The following AGMO variants were observed in gnomAD, a reference collection of about 807,000 sequenced individuals.
AGMO encodes the protein alkylglycerol monooxygenase, also known as glyceryl-ether monooxygenase.
A neutral mutation model predicts 60.2 loss-of-function variants in AGMO; 75 were observed. The observed-to-expected ratio is 1.25, with a 90% CI of 1.03 to 1.51. The LOEUF (loss-of-function observed/expected upper bound fraction) is 1.51. AGMO is among the 40% of genes most tolerant of loss of function. The probability of loss-of-function intolerance (pLI) is 0.00; values close to 1 mark genes in which losing one functional copy is unlikely to be tolerated. For synonymous variants in AGMO, 261 were observed against 177.1 expected (o/e 1.47, Z -3.76); for missense variants, 763 against 525.5 (o/e 1.45, Z -4.42).
At chr7:15,227,072 C>G (rs1782105601) in intron 12 of AGMO, among the ~76,000 whole-genome samples, 1 of 151,976 alleles carries the variant, frequency 6.6e-6, no homozygotes, top group Non-Finnish European at 1.5e-5. Flanking sequence ...TTCCTAGAAC[C>G]AGCTTACCTC....
At chr7:15,433,454 CT>C (rs1233926612) in intron 3 of AGMO, among the ~76,000 whole-genome samples, 1 of 151,992 alleles carries the variant, frequency 6.6e-6, no homozygotes, top group Non-Finnish European at 1.5e-5. Flanking sequence ...AGAAGGAATA[CT>C]GAATTTGTTT....
chr7:15,147,025 A>C, the AGMO span, among the ~76,000 whole-genome samples: 2 of 152,136 alleles, frequency 1.3e-5, no homozygotes, highest in African/African-American at 4.8e-5. Context: ...AAACAAAAAA[A>C]CCCACAATGG....
chr7:15,312,862 T>C (rs1164213760), intron 12 of AGMO, among the ~76,000 whole-genome samples: 4 of 151,814 alleles, frequency 2.6e-5, no homozygotes, highest in African/African-American at 7.3e-5. Flanking sequence ...AAAGACAGGG[T>C]TTTGCCATGT....
At chr7:15,418,729 A>C (rs1780849577) in intron 4 of AGMO, 76 bp from the exon 5 acceptor site, 1 of 858,286 alleles carries the variant, frequency 1.2e-6, no homozygotes, top group Non-Finnish European at 1.8e-6. Context: ...CAATATTCTG[A>C]ATGCATATTT....
intron 12 of AGMO, among the ~76,000 whole-genome samples, chr7:15,281,770 C>A (rs918101305): frequency 6.6e-6 from 1 of 152,114 alleles, no homozygotes; most frequent in Non-Finnish European, 1.5e-5. Flanking sequence ...ACTATTCAAC[C>A]CAGTAAATAA....
the AGMO span, among the ~76,000 whole-genome samples, chr7:15,139,789 C>A: frequency 2.6e-3 from 365 of 138,014 alleles, no homozygotes; most frequent in Middle Eastern, 8.7e-3. Context: ...CCAGCCTGGG[C>A]TACAGAGCTG....
At chr7:15,487,229 G>A (rs1190066009) in intron 3 of AGMO, among the ~76,000 whole-genome samples, 1 of 152,000 alleles carries the variant, frequency 6.6e-6, no homozygotes, top group East Asian at 1.9e-4. Context: ...AAATAAAATA[G>A]CAAGATGTAA....
chr7:15,276,748 T>C (rs1468883402), intron 12 of AGMO, among the ~76,000 whole-genome samples: 1 of 152,104 alleles, frequency 6.6e-6, no homozygotes, highest in Non-Finnish European at 1.5e-5. Flanking sequence ...AATCCTCTTT[T>C]CTTTATTTTG....
the AGMO span, among the ~76,000 whole-genome samples, chr7:15,173,941 A>G: frequency 6.6e-6 from 1 of 151,936 alleles, no homozygotes; most frequent in East Asian, 1.9e-4. Context: ...AAAATTTTAC[A>G]AATTTCATGT....
chr7:15,379,466 G>A (rs776377799), intron 10 of AGMO, among the ~76,000 whole-genome samples: 7 of 152,036 alleles, frequency 4.6e-5, no homozygotes, highest in Non-Finnish European at 1.0e-4. Flanking sequence ...ACAACAATCA[G>A]AAAATATTAT....
chr7:15,146,466 C>A, the AGMO span, among the ~76,000 whole-genome samples: 1 of 150,448 alleles, frequency 6.6e-6, no homozygotes, highest in Non-Finnish European at 1.5e-5. Context: ...CTAGGCCTAG[C>A]TCTACAGAAT....
Position 15,505,540 on chromosome 7 carries a change from G to T in AGMO, c.409+39232C>A, listed in dbSNP as rs116003113. 2.4e-3 allele frequency among the ~76,000 whole-genome samples: 371 copies of T among 151,952 alleles called. 2 individuals carry two copies. Among genetic ancestry groups the T allele is most frequent in the African/African-American group, 8.6e-3 (355 of 41,472 alleles). On this transcript the variant is annotated intron_variant, in intron 3 of 12. Transcript: ENST00000342526. The stretch of plus-strand genomic sequence containing the variant: ...ACAAAGTCTGTGTCACTCTCCCTTC[G>T]ATTCGTTTCCTATTATTAAAATAAA...
At chr7:15,184,802 G>C in the AGMO span, among the ~76,000 whole-genome samples, 1 of 133,088 alleles carries the variant, frequency 7.5e-6, no homozygotes, top group Non-Finnish European at 1.6e-5. Flanking sequence ...GGGAGGAAGA[G>C]AGGGAGGGAG....
chr7:15,278,545 A>G (rs1184162419), intron 12 of AGMO, among the ~76,000 whole-genome samples: 1 of 152,008 alleles, frequency 6.6e-6, no homozygotes, highest in Non-Finnish European at 1.5e-5. Flanking sequence ...CTCTCAGGTG[A>G]GGGCAGGCAG....
At chr7:15,236,990 A>AC (rs1782443257) in intron 12 of AGMO, among the ~76,000 whole-genome samples, 1 of 152,092 alleles carries the variant, frequency 6.6e-6, no homozygotes, top group Non-Finnish European at 1.5e-5. Context: ...TCAAACAAAC[A>AC]TAAAAAATGT....
At chr7:15,209,983 C>T (rs1389883279) in intron 12 of AGMO, among the ~76,000 whole-genome samples, 1 of 151,910 alleles carries the variant, frequency 6.6e-6, no homozygotes, top group Admixed American at 6.6e-5. Flanking sequence ...AAGGTGTGAG[C>T]CTGTATCAAC....
At chr7:15,416,438 A>C (rs574343310) in intron 5 of AGMO, among the ~76,000 whole-genome samples, 2 of 152,156 alleles carry the variant, frequency 1.3e-5, no homozygotes, top group Non-Finnish European at 2.9e-5. Context: ...TCTTTCAAAA[A>C]TGTGATTTTA....
At chr7:15,151,051 T>C in the AGMO span, among the ~76,000 whole-genome samples, 3 of 152,014 alleles carry the variant, frequency 2.0e-5, no homozygotes, top group African/African-American at 7.2e-5. Flanking sequence ...TCTTGGGAGG[T>C]TGTATATCTC....
chr7:15,166,699 T>C, the AGMO span, among the ~76,000 whole-genome samples: 1 of 152,180 alleles, frequency 6.6e-6, no homozygotes, highest in Non-Finnish European at 1.5e-5. Flanking sequence ...GTCAAAGCAG[T>C]GAAGGTGATG....
Sources: allele counts gnomAD v4.1 joint callset (sites outside exome capture counted in the v4.1 genomes callset), GRCh38; gene constraint gnomAD v4.1.1; transcripts MANE v1.5; gene names NCBI Gene and HGNC (gene_info 2026-07-23, HGNC 2026-07-21).